Variants in ISY1 observed in about 807,000 individuals in gnomAD.
The protein encoded by ISY1 is pre-mRNA-splicing factor ISY1 homolog.
A neutral mutation model predicts 54.4 loss-of-function variants in ISY1; 12 were observed. The observed-to-expected ratio is 0.22, with a 90% CI of 0.14 to 0.36. The LOEUF (loss-of-function observed/expected upper bound fraction) is 0.36, where lower values mean the gene tolerates loss of function less well. Among genes scored for constraint, ISY1 ranks in the 10% least tolerant of loss-of-function variants. The probability of loss-of-function intolerance (pLI) is 1.00; values close to 1 mark genes in which losing one functional copy is unlikely to be tolerated. For missense variants in ISY1, 282 were observed against 342.2 expected (o/e 0.82, Z 1.39); for synonymous variants, 96 against 117.9 (o/e 0.81, Z 1.20).
intron 3 of ISY1, among the ~76,000 whole-genome samples, chr3:129,157,999 C>T (rs140245448): frequency 1.6e-3 from 242 of 152,200 alleles, no homozygotes; most frequent in African/African-American, 5.5e-3. Context: ...GCTGGGATTA[C>T]AGGTGCCTGC....
rs1936156185 is a variant in ISY1 at position 129,128,629 on chromosome 3, C to G, written c.*1452G>C. The G allele has an allele frequency of 6.5e-6, 1 of 153,354 alleles. No individual in the cohort carries two copies. 9.5% of individuals were successfully genotyped at this position (153,354 alleles called of 1,614,324 possible). On this transcript the variant is annotated 3_prime_UTR_variant, in exon 11 of 11. Coordinates refer to ENST00000393295, the MANE Select transcript of ISY1 (RefSeq NM_020701.4). ...CCCGACTTGGCCACACACAGCCACA[C>G]ACGGCTCTGCCACCCCCAGTCTGAG...
intron 7 of ISY1, among the ~76,000 whole-genome samples, chr3:129,138,484 AAAAAAT>A (rs1460513206): frequency 6.6e-6 from 1 of 151,856 alleles, no homozygotes; most frequent in Non-Finnish European, 1.5e-5. Flanking sequence ...AAATACAAAA[AAAAAAT>A]AAAATTAGCT....
At chr3:129,145,455 T>C (rs975968876) in intron 6 of ISY1, among the ~76,000 whole-genome samples, 12 of 152,132 alleles carry the variant, frequency 7.9e-5, no homozygotes, top group African/African-American at 2.9e-4. Context: ...ACTCCTGACC[T>C]CAAGTGATCT....
At chr3:129,159,508 T>A (rs1937241577) in intron 1 of ISY1, among the ~76,000 whole-genome samples, 1 of 152,138 alleles carries the variant, frequency 6.6e-6, no homozygotes, top group Admixed American at 6.6e-5. Flanking sequence ...GTGTCCTCTA[T>A]CAAGGATTAT....
chr3:129,136,195 G>A (rs558578904), intron 7 of ISY1, among the ~76,000 whole-genome samples: 18 of 151,676 alleles, frequency 1.2e-4, no homozygotes, highest in African/African-American at 3.1e-4. Context: ...TCTGCATCCC[G>A]GGTTCAAGCG....
chr3:129,138,005 A>G (rs1275098272), intron 7 of ISY1, among the ~76,000 whole-genome samples: 3 of 146,286 alleles, frequency 2.1e-5, no homozygotes, highest in Admixed American at 6.9e-5. Context: ...TACTGGGCAC[A>G]GTGGCTCACG....
chr3:129,129,513 A>C lies in ISY1; in HGVS notation c.*568T>G, dbSNP rs1221314573. 1 of 152,122 alleles carries C rather than the reference A, an allele frequency of 6.6e-6. No individual in the cohort carries two copies. The highest frequency in any genetic ancestry group is 2.4e-5 in the African/African-American group (1 of 41,306). The allele number at this position is 152,122 out of a possible 1,614,324, so 9.4% of individuals were successfully genotyped here. A position where few individuals can be genotyped will look rare whatever the true frequency, so the allele number is the denominator to read the frequency against. On this transcript the variant is annotated 3_prime_UTR_variant, in exon 11 of 11. Transcript: ENST00000393295. ...CTCAGCCTCCCAAGCAGCTGGGACTACAGGTGCATGCCAGTACGCCCAGCT... is the reference window on the plus strand; with the variant it reads ...CTCAGCCTCCCAAGCAGCTGGGACTCCAGGTGCATGCCAGTACGCCCAGCT...
At chr3:129,130,790 T>TA (rs1355978415) in intron 9 of ISY1, 154 bp from the exon 10 acceptor site, 5 of 768,056 alleles carry the variant, frequency 6.5e-6, no homozygotes, top group Middle Eastern at 2.6e-4. Flanking sequence ...CAAGATTAAG[T>TA]AAAAAAAGCC....
intron 6 of ISY1, among the ~76,000 whole-genome samples, chr3:129,145,187 A>G (rs558615477): frequency 1.3e-5 from 2 of 151,588 alleles, no homozygotes; most frequent in African/African-American, 2.4e-5. Context: ...CTAGGATTAC[A>G]GGTGTGTGCC....
At chr3:129,136,173 C>T (rs1353013963) in intron 7 of ISY1, among the ~76,000 whole-genome samples, 1 of 151,544 alleles carries the variant, frequency 6.6e-6, no homozygotes, top group African/African-American at 2.4e-5. Context: ...ATGATCTTGG[C>T]TCACTGCAAC....
intron 5 of ISY1, among the ~76,000 whole-genome samples, chr3:129,156,133 T>TCATACCTATAATCCCAGCA (rs1232344798): frequency 6.6e-6 from 1 of 152,064 alleles, no homozygotes; most frequent in African/African-American, 2.4e-5. Context: ...GCATAGTGGC[T>TCATACCTATAATCCCAGCA]CATACCTATA....
rs1204817924 is a variant in ISY1 at position 129,133,045 on chromosome 3, G to C, written c.663+1029C>G. 2.0e-5 allele frequency among the ~76,000 whole-genome samples: 3 copies of C among 152,292 alleles called. No homozygotes were observed. The East Asian group carries it at 5.8e-4, about 29-fold the overall frequency. ...CAGCAAATCAGATCCACCTAGACCT[G>C]TGCAGGCAGCAAGGACTCCAAATAT... On this transcript the variant is annotated intron_variant, in intron 9 of 10. Transcript: ENST00000393295.
At position 129,134,874 on chromosome 3, in the gene ISY1, C is replaced by A. The variant is rs778468085; in HGVS notation, c.499G>T (p.Asp167Tyr). ...TGTTCCAAAGGCACAATAACACCAT[C>A]ATCTTCATCTAGGTAACCATAGTAC... The part of the protein sequence containing the change: ...FEYYGYLDED[D>Y]GVIVPLEQEY... The change falls in exon 8 of 11, where the codon GAT becomes TAT. Residue 167 changes from aspartate (D) to tyrosine (Y), a missense_variant. By Grantham distance (160) the Asp-to-Tyr change is radical. Around this residue, in one of 2 missense-constraint regions of ISY1, gnomAD observed 279 missense variants for 323.6 expected, o/e 0.86. Coordinates refer to ENST00000393295, the MANE Select transcript of ISY1 (RefSeq NM_020701.4). 1.1e-5 allele frequency: 17 copies of A among 1,611,238 alleles called. No homozygotes were observed. In the Admixed American group the frequency reaches 1.5e-4, roughly 14 times the overall value.
At chr3:129,136,691 C>CTTT (rs554610124) in intron 7 of ISY1, among the ~76,000 whole-genome samples, 2 of 128,546 alleles carry the variant, frequency 1.6e-5, no homozygotes, top group South Asian at 2.5e-4. Context: ...TCTTCTTCTT[C>CTTT]TTTTTTTTTT....
intron 6 of ISY1, among the ~76,000 whole-genome samples, chr3:129,143,494 A>G (rs1253395291): frequency 1.2e-3 from 184 of 150,184 alleles, no homozygotes; most frequent in African/African-American, 3.6e-3. Context: ...TGATGAAGCG[A>G]GACTCTGTCT....
chr3:129,148,860 T>A (rs1294095262), intron 5 of ISY1, among the ~76,000 whole-genome samples: 1 of 152,026 alleles, frequency 6.6e-6, no homozygotes, highest in Admixed American at 6.6e-5. Flanking sequence ...TGAGCCACCA[T>A]GCCCACCCTA....
chr3:129,142,214 A>C (rs1418090460), intron 6 of ISY1, among the ~76,000 whole-genome samples: 1 of 151,924 alleles, frequency 6.6e-6, no homozygotes, highest in Non-Finnish European at 1.5e-5. Context: ...CTCGAAAAAA[A>C]AAAAAAAAAA....
intron 9 of ISY1, among the ~76,000 whole-genome samples, chr3:129,131,195 C>T (rs1936229642): frequency 6.6e-6 from 1 of 152,204 alleles, no homozygotes; most frequent in African/African-American, 2.4e-5. Flanking sequence ...GCTTCAAAAG[C>T]CTCTTGAGGA....
intron 5 of ISY1, among the ~76,000 whole-genome samples, chr3:129,155,498 C>T (rs1937109137): frequency 6.6e-6 from 1 of 151,608 alleles, no homozygotes; most frequent in African/African-American, 2.4e-5. Context: ...CAGGCCAGTG[C>T]TATACATTTT....
Sources: allele counts gnomAD v4.1 joint callset (sites outside exome capture counted in the v4.1 genomes callset), GRCh38; gene constraint gnomAD v4.1.1; regional missense constraint gnomAD v4.1.1; transcripts MANE v1.5; gene names NCBI Gene and HGNC (gene_info 2026-07-23, HGNC 2026-07-21).